SYNDIG1: variants seen among roughly 807,000 people sequenced by gnomAD.
The protein encoded by SYNDIG1 is synapse differentiation-inducing gene protein 1.
SYNDIG1 carries 9 observed loss-of-function variants against 19.4 expected under a neutral mutation model. The observed-to-expected ratio is 0.46, with a 90% CI of 0.28 to 0.81. The LOEUF (loss-of-function observed/expected upper bound fraction) is 0.81, where lower values mean the gene tolerates loss of function less well. SYNDIG1 is among the 30% of genes least tolerant of loss of function. The pLI is 0.12. For synonymous variants in SYNDIG1, 141 were observed against 145.9 expected (o/e 0.97, Z 0.24); for missense variants, 311 against 343.3 (o/e 0.91, Z 0.74).
intron 3 of SYNDIG1, among the ~76,000 whole-genome samples, chr20:24,650,844 T>TTC (rs869222858): frequency 4.5e-5 from 1 of 22,430 alleles, no homozygotes; most frequent in Non-Finnish European, 7.6e-5. Flanking sequence ...TTTCTTTCTT[T>TTC]TTTTTTTTTG....
chr20:24,471,250 G>A (rs2055443895), intron 1 of SYNDIG1, among the ~76,000 whole-genome samples: 1 of 152,090 alleles, frequency 6.6e-6, no homozygotes. Flanking sequence ...AGGGGTCTAG[G>A]TCGCGAAATC....
chr20:24,520,585 C>G (rs1600508336), intron 1 of SYNDIG1, among the ~76,000 whole-genome samples: 1 of 151,696 alleles, frequency 6.6e-6, no homozygotes. Flanking sequence ...CCCAGCTGCT[C>G]AGGAGGCTGA....
intron 3 of SYNDIG1, among the ~76,000 whole-genome samples, chr20:24,653,187 G>T (rs1372427232): frequency 6.6e-6 from 1 of 152,170 alleles, no homozygotes; most frequent in Non-Finnish European, 1.5e-5. Flanking sequence ...AATGGACGTG[G>T]AGCAACAAGA....
intron 1 of SYNDIG1, among the ~76,000 whole-genome samples, chr20:24,484,739 G>A (rs957519644): frequency 5.9e-5 from 9 of 152,320 alleles, no homozygotes; most frequent in African/African-American, 2.2e-4. Context: ...ATAATGAAAA[G>A]TAGAGCCTTT....
rs115421768 is a variant in SYNDIG1 at position 24,485,061 on chromosome 20, C to T, written c.-79+15308C>T. Reference sequence around the variant, plus strand: ...GGTCTCTTTCCCTGCGTTTACACTTCCCTTTTGACCGTCTCTGCCATGTTA... The same window carrying T: ...GGTCTCTTTCCCTGCGTTTACACTTTCCTTTTGACCGTCTCTGCCATGTTA... On this transcript the variant is annotated intron_variant, in intron 1 of 3. Coordinates refer to ENST00000376862, the MANE Select transcript of SYNDIG1 (RefSeq NM_024893.3). Among the ~76,000 whole-genome samples, 142 of 151,692 alleles carry T rather than the reference C, an allele frequency of 9.4e-4. 1 individual carries two copies. Among genetic ancestry groups the T allele is most frequent in the African/African-American group, 3.4e-3 (138 of 40,968 alleles).
chr20:24,569,279 G>C (rs966989463), intron 2 of SYNDIG1, among the ~76,000 whole-genome samples: 2 of 152,210 alleles, frequency 1.3e-5, no homozygotes. Context: ...AGTGACTCGT[G>C]TGTCCATGTC....
intron 1 of SYNDIG1, among the ~76,000 whole-genome samples, chr20:24,522,559 C>A (rs1408279234): frequency 1.3e-5 from 2 of 152,196 alleles, no homozygotes; most frequent in African/African-American, 4.8e-5. Context: ...TTGAGTCCTT[C>A]CCTTGGTTAC....
At chr20:24,560,243 A>AT (rs561093063) in intron 2 of SYNDIG1, among the ~76,000 whole-genome samples, 51 of 150,192 alleles carry the variant, frequency 3.4e-4, no homozygotes, top group African/African-American at 1.1e-3. Flanking sequence ...TAATTTTTGT[A>AT]TTTTTTTAGT....
At chr20:24,550,762 G>A (rs1317330267) in intron 2 of SYNDIG1, among the ~76,000 whole-genome samples, 4 of 152,052 alleles carry the variant, frequency 2.6e-5, no homozygotes, top group Non-Finnish European at 5.9e-5. Context: ...TGCCCGCCTC[G>A]GCCTCCCAAA....
At chr20:24,626,800 T>G (rs1160033416) in intron 3 of SYNDIG1, among the ~76,000 whole-genome samples, 9 of 151,886 alleles carry the variant, frequency 5.9e-5, no homozygotes, top group Admixed American at 2.0e-4. Context: ...AGCACTGAGT[T>G]AACGAGACTC....
At chr20:24,533,322 C>T (rs2146646248) in intron 1 of SYNDIG1, among the ~76,000 whole-genome samples, 1 of 152,282 alleles carries the variant, frequency 6.6e-6, no homozygotes, top group South Asian at 2.1e-4. Flanking sequence ...CTGCTTGGAC[C>T]TGTGAAGGCA....
intron 1 of SYNDIG1, among the ~76,000 whole-genome samples, chr20:24,541,226 A>T (rs537155209): frequency 1.3e-5 from 2 of 152,332 alleles, no homozygotes; most frequent in Non-Finnish European, 2.9e-5. Flanking sequence ...AGTGTTCTTT[A>T]TACCGTGACA....
chr20:24,602,100 A>G (rs958639013), intron 3 of SYNDIG1, among the ~76,000 whole-genome samples: 2 of 151,166 alleles, frequency 1.3e-5, no homozygotes, highest in Admixed American at 1.3e-4. Flanking sequence ...GCTTTGTTTT[A>G]TTTCCTGGAA....
At chr20:24,617,570 G>A (rs1458012197) in intron 3 of SYNDIG1, among the ~76,000 whole-genome samples, 1 of 152,166 alleles carries the variant, frequency 6.6e-6, no homozygotes, top group African/African-American at 2.4e-5. Flanking sequence ...CTGCGAAGGG[G>A]CCCCAGACAT....
At chr20:24,599,687 G>C (rs982385162) in intron 3 of SYNDIG1, among the ~76,000 whole-genome samples, 8 of 152,282 alleles carry the variant, frequency 5.3e-5, no homozygotes, top group African/African-American at 1.7e-4. Context: ...TTTCAGCATC[G>C]TGGATGGAAC....
At chr20:24,495,234 G>A (rs1293791093) in intron 1 of SYNDIG1, among the ~76,000 whole-genome samples, 1 of 152,220 alleles carries the variant, frequency 6.6e-6, no homozygotes, top group Non-Finnish European at 1.5e-5. Flanking sequence ...CTTGTCAGCT[G>A]TTTCAGAAGA....
At chr20:24,505,991 G>A (rs2056581896) in intron 1 of SYNDIG1, among the ~76,000 whole-genome samples, 2 of 152,214 alleles carry the variant, frequency 1.3e-5, no homozygotes, top group Non-Finnish European at 2.9e-5. Flanking sequence ...GAACATAGGT[G>A]CCAGGATGGC....
At position 24,652,097 on chromosome 20, in the gene SYNDIG1, T is replaced by C. The variant is rs151322459; in HGVS notation, c.619-13249T>C. On this transcript the variant is annotated intron_variant, in intron 3 of 3. Coordinates refer to ENST00000376862, the MANE Select transcript of SYNDIG1 (RefSeq NM_024893.3). ...GCCACCAGGCTTTGGAACCATTTGT[T>C]ACCAGCAGTAGATAATTAGAAGAGT... Among the ~76,000 whole-genome samples the C allele has an allele frequency of 1.3e-3, 195 of 152,348 alleles. 1 individual carries two copies. The highest frequency in any genetic ancestry group is 4.6e-3 in the African/African-American group (190 of 41,586).
At position 24,512,954 on chromosome 20, in the gene SYNDIG1, C is replaced by CATTTGCTGTTCTGCAAT. The variant is rs576050408; in HGVS notation, c.-78-30050_-78-30034dup. 8.9e-4 allele frequency among the ~76,000 whole-genome samples: 136 copies of CATTTGCTGTTCTGCAAT among 152,274 alleles called. 1 individual carries two copies. The highest frequency in any genetic ancestry group is 3.1e-3 in the African/African-American group (128 of 41,544). On this transcript the variant is annotated intron_variant, in intron 1 of 3. Coordinates refer to ENST00000376862, the MANE Select transcript of SYNDIG1 (RefSeq NM_024893.3). ...TTCCAGAGGAACAATCAGGAAGCAA[C>CATTTGCTGTTCTGCAAT]ATTTGCTGTTCTGCAATATTTGCTG...
Sources: gnomAD v4.1 joint callset for allele counts (sites outside exome capture counted in the v4.1 genomes callset) on GRCh38, gnomAD v4.1.1 for gene constraint, MANE v1.5 for transcripts, NCBI Gene and HGNC (gene_info 2026-07-23, HGNC 2026-07-21) for gene names.